The following HBS1L variants were observed in gnomAD, a reference collection of about 807,000 sequenced individuals.
HBS1L encodes the protein HBS1 like translational GTPase.
Under a neutral mutation model 88.9 loss-of-function variants are expected in HBS1L, and 55 were observed. The observed-to-expected ratio is 0.62, with a 90% CI of 0.50 to 0.77. The LOEUF (loss-of-function observed/expected upper bound fraction) is 0.77. Among genes scored for constraint, HBS1L ranks in the 30% least tolerant of loss-of-function variants. The pLI is 0.00. For synonymous variants in HBS1L, 267 were observed against 288.5 expected, an observed-to-expected ratio of 0.93 and a Z score of 0.76; for missense variants, 741 against 829.3, an observed-to-expected ratio of 0.89 and a Z score of 1.31.
intron 1 of HBS1L, among the ~76,000 whole-genome samples, chr6:135,053,244 C>T (rs1333074468): frequency 6.6e-6 from 1 of 152,100 alleles, no homozygotes; most frequent in Non-Finnish European, 1.5e-5. Context: ...TCTGTGTATC[C>T]CTCCCATAGC....
At chr6:135,039,957 T>C (rs1776678921) in intron 3 of HBS1L, among the ~76,000 whole-genome samples, 190 bp from the exon 4 acceptor site, 1 of 152,252 alleles carries the variant, frequency 6.6e-6, no homozygotes, top group Non-Finnish European at 1.5e-5. Flanking sequence ...CAAGGAACGA[T>C]TTCGTTAATT....
chr6:135,021,482 T>C (rs1776069340), intron 4 of HBS1L, among the ~76,000 whole-genome samples: 1 of 152,160 alleles, frequency 6.6e-6, no homozygotes, highest in Non-Finnish European at 1.5e-5. Context: ...AATGACTTCA[T>C]TTCTTAGGAC....
chr6:135,021,065 T>C (rs1267004512), intron 4 of HBS1L, among the ~76,000 whole-genome samples: 2 of 152,098 alleles, frequency 1.3e-5, no homozygotes, highest in Non-Finnish European at 2.9e-5. Context: ...TTCTATCCTT[T>C]ACTGGTTTTG....
intron 4 of HBS1L, among the ~76,000 whole-genome samples, chr6:135,011,283 G>C (rs1775765697): frequency 6.6e-6 from 1 of 152,194 alleles, no homozygotes; most frequent in South Asian, 2.1e-4. Context: ...GGGAGGCCAA[G>C]GTGGGAGGAT....
rs556548745 is a variant in HBS1L at position 135,009,835 on chromosome 6, G to A, written c.431-6993C>T. ...TTTTTTGTATTTTTAGTAGAGATGG[G>A]GTTTCACTGTGGTCTCGATCTCCTG... On this transcript the variant is annotated intron_variant, in intron 4 of 17. Transcript: ENST00000367837. Among the ~76,000 whole-genome samples the A allele has an allele frequency of 2.0e-3, 299 of 151,718 alleles. 1 individual carries two copies. The highest frequency in any genetic ancestry group is 7.1e-3 in the African/African-American group (295 of 41,378).
intron 4 of HBS1L, among the ~76,000 whole-genome samples, chr6:135,008,239 C>T (rs1026666013): frequency 7.2e-5 from 11 of 152,108 alleles, no homozygotes; most frequent in Non-Finnish European, 1.0e-4. Flanking sequence ...ACTAATCATC[C>T]GTTAGGTACA....
rs1774254857 is a variant in HBS1L at position 134,964,524 on chromosome 6, A to T, written c.*755T>A. 6.6e-6 allele frequency: 1 copy of T among 152,200 alleles called. No homozygotes were observed. Among genetic ancestry groups the T allele is most frequent in the African/African-American group, 2.4e-5 (1 of 41,458 alleles). The allele number at this position is 152,200 out of a possible 1,614,324, so 9.4% of individuals were successfully genotyped here. The stretch of plus-strand genomic sequence containing the variant: ...GGATAAAAAAGAATTCATGTGACAG[A>T]GCTAGGAAACTCTTAGGTGAAAAAG... On this transcript the variant is annotated 3_prime_UTR_variant, in exon 18 of 18. Coordinates refer to ENST00000367837, the MANE Select transcript of HBS1L (RefSeq NM_006620.4).
chr6:135,036,031 CA>C lies in HBS1L; in HGVS notation c.430+3541del, dbSNP rs1164189631. The C allele has an allele frequency of 7.3e-6, 5 of 685,122 alleles. No homozygotes were observed. The African/African-American group carries it at 9.8e-5, about 13-fold the overall frequency. The allele number at this position is 685,122 out of a possible 1,614,324, so 42.4% of individuals were successfully genotyped here. Reference sequence around the variant, plus strand: ...ATTTCAACAATCTCCACAGTACTCTCAAAAGTCAGGAATTTTAAGATTTTCT... The same window carrying C: ...ATTTCAACAATCTCCACAGTACTCTCAAAGTCAGGAATTTTAAGATTTTCT... On this transcript the variant is annotated intron_variant, in intron 4 of 17. Transcript: ENST00000367837.
chr6:135,039,424 A>G, intron 4 of HBS1L, 149 bp downstream of exon 4: 1 of 655,472 alleles, frequency 1.5e-6, no homozygotes, highest in South Asian at 2.0e-5. Context: ...CCACAACTAG[A>G]TCAACTGATA....
intron 16 of HBS1L, 61 bp from the exon 17 acceptor site, chr6:134,966,534 C>T (rs1774321676): frequency 9.0e-7 from 1 of 1,113,674 alleles, no homozygotes; most frequent in Non-Finnish European, 1.2e-6. Context: ...GTAATAATAA[C>T]AACTTGAAAA....
At chr6:134,989,810 T>A (rs535170204) in intron 8 of HBS1L, among the ~76,000 whole-genome samples, 1 of 152,308 alleles carries the variant, frequency 6.6e-6, no homozygotes, top group Admixed American at 6.5e-5. Flanking sequence ...GAGATCCAGC[T>A]CTTTTGATCA....
At chr6:135,021,335 T>C (rs1776065688) in intron 4 of HBS1L, among the ~76,000 whole-genome samples, 2 of 152,078 alleles carry the variant, frequency 1.3e-5, no homozygotes. Flanking sequence ...TAAACAATAT[T>C]ATTTAAGCTG....
intron 13 of HBS1L, among the ~76,000 whole-genome samples, chr6:134,980,937 CCT>C (rs1261520883): frequency 6.6e-6 from 1 of 151,798 alleles, no homozygotes; most frequent in African/African-American, 2.4e-5. Flanking sequence ...GGAAGGAGAA[CCT>C]CTCTGTTGAG....
At chr6:134,984,999 G>A (rs1774938483) in intron 12 of HBS1L, among the ~76,000 whole-genome samples, 1 of 152,030 alleles carries the variant, frequency 6.6e-6, no homozygotes, top group Non-Finnish European at 1.5e-5. Context: ...CACATCCTGT[G>A]TGGTTAAGAA....
At chr6:134,986,588 G>A in intron 10 of HBS1L, 148 bp downstream of exon 10, 1 of 471,294 alleles carries the variant, frequency 2.1e-6, no homozygotes, top group Non-Finnish European at 3.7e-6. Flanking sequence ...ATAATCCAAA[G>A]AATATATTAT....
chr6:135,003,960 T>C (rs1297295332), intron 4 of HBS1L, among the ~76,000 whole-genome samples: 1 of 152,202 alleles, frequency 6.6e-6, no homozygotes, highest in African/African-American at 2.4e-5. Flanking sequence ...TTTTTTTGCA[T>C]TTGATCCCTA....
At chr6:135,033,251 A>C (rs1459814862) in intron 4 of HBS1L, among the ~76,000 whole-genome samples, 1 of 152,250 alleles carries the variant, frequency 6.6e-6, no homozygotes, top group African/African-American at 2.4e-5. Flanking sequence ...GCTGAACTGG[A>C]AAATAAAGTC....
intron 3 of HBS1L, among the ~76,000 whole-genome samples, chr6:135,040,367 T>C (rs1215489006): frequency 1.6e-5 from 2 of 128,670 alleles, no homozygotes; most frequent in African/African-American, 6.1e-5. Context: ...TTTTTTTTTT[T>C]TGAGACAGAG....
In HBS1L at chr6:134,997,630, CTA is replaced by C; in HGVS notation, c.564_565del (p.His188GlnfsTer12). 6.2e-7 allele frequency: 1 copy of C among 1,613,928 alleles called. No homozygotes were observed. Among genetic ancestry groups the C allele is most frequent in the Non-Finnish European group, 8.5e-7 (1 of 1,179,892 alleles). ...CGGTCCTTTTTGAGGTGTGTGGAAA[CTA>C]TGACCATTTTCTTCAGAAGATACTC... On this transcript the variant is annotated frameshift_variant, in exon 6 of 18. Coordinates refer to ENST00000367837, the MANE Select transcript of HBS1L (RefSeq NM_006620.4). LOFTEE classifies it high-confidence loss of function.
Sources: gnomAD v4.1 joint callset for allele counts (sites outside exome capture counted in the v4.1 genomes callset) on GRCh38, gnomAD v4.1.1 for gene constraint, MANE v1.5 for transcripts, NCBI Gene and HGNC (gene_info 2026-07-23, HGNC 2026-07-21) for gene names.